The following MAPK8IP1 variants were observed in gnomAD, a reference collection of about 807,000 sequenced individuals.
MAPK8IP1 encodes C-Jun-amino-terminal kinase-interacting protein 1.
In MAPK8IP1, 17 loss-of-function variants were observed where a neutral mutation model predicts 72.6. That is an observed-to-expected ratio of 0.23 (90% CI 0.16 to 0.35). The LOEUF is 0.35. Among genes scored for constraint, MAPK8IP1 ranks in the 10% least tolerant of loss-of-function variants. MAPK8IP1 has a pLI of 1.00. For synonymous variants in MAPK8IP1, 401 were observed against 443.4 expected (o/e 0.90, Z 1.20); for missense variants, 789 against 1,009.7 (o/e 0.78, Z 2.96).
chr11:45,885,975 T>A lies in MAPK8IP1; in HGVS notation c.101+54T>A, dbSNP rs975279662. The A allele has an allele frequency of 2.0e-5, 24 of 1,174,636 alleles. No homozygotes were observed. The East Asian group carries it at 7.7e-4, about 37-fold the overall frequency. The allele number at this position is 1,174,636 out of a possible 1,614,324, so 72.8% of individuals were successfully genotyped here. ...GCCCTTCAGCGGGGACTGATCCGCA[T>A]TGGCTGCCCTGCCCGCCCCCCACCC... On this transcript the variant is annotated intron_variant, in intron 1 of 11. Transcript: ENST00000241014.
chr11:45,902,923 G>C lies in MAPK8IP1; in HGVS notation c.1156G>C (p.Asp386His), dbSNP rs1286060008. 6.2e-7 allele frequency: 1 copy of C among 1,610,802 alleles called. No homozygotes were observed. Among genetic ancestry groups the C allele is most frequent in the Admixed American group, 1.7e-5 (1 of 59,740 alleles). The change falls in exon 5 of 12, where the codon GAT (aspartate) becomes CAT (histidine). Residue 386 changes from aspartate to histidine, a missense_variant. Coordinates refer to ENST00000241014, the MANE Select transcript of MAPK8IP1 (RefSeq NM_005456.4). This position sits in a 1 kb window ranked among gnomAD's most constrained non-coding sequence, Gnocchi z 9.3. ...CTCTGTCAAGTACACGCTGGTGGTAGATGAGCATGCACAGCTGGAGCTGGT... is the reference window on the plus strand; with the variant it reads ...CTCTGTCAAGTACACGCTGGTGGTACATGAGCATGCACAGCTGGAGCTGGT... ...YDSVKYTLVVDEHAQLELVSL... is the reference protein window; with the variant it reads ...YDSVKYTLVVHEHAQLELVSL...
In MAPK8IP1 at chr11:45,904,842, C is replaced by T; in HGVS notation, c.1893+8C>T. The T allele has an allele frequency of 6.2e-7, 1 of 1,613,778 alleles. No individual in the cohort carries two copies. Among genetic ancestry groups the T allele is most frequent in the South Asian group, 1.1e-5 (1 of 91,074 alleles). ...GACTCCCAGGAGGCCAAGGTGACTT[C>T]TTCCAACCCAGCCCCTTCCTTCCAT... On this transcript the variant is annotated splice_region_variant and intron_variant, in intron 9 of 11. Transcript: ENST00000241014. This position sits in a 1 kb window ranked among gnomAD's most constrained non-coding sequence, Gnocchi z 6.4.
rs1254983501 is a variant in MAPK8IP1 at position 45,904,074 on chromosome 11, G to A, written c.1579G>A (p.Glu527Lys). ...VELQAEDYWY[E>K]AYNMRTGARG... ...GCTCCAGGCTGAAGACTACTGGTAC[G>A]AGGCCTACAACATGCGCACTGGTGC... The change falls in exon 7 of 12, where the codon GAG becomes AAG. Residue 527 changes from glutamate (E) to lysine (K), a missense_variant. Glu to Lys is a moderately conservative substitution (Grantham distance 56). Coordinates refer to ENST00000241014, the MANE Select transcript of MAPK8IP1 (RefSeq NM_005456.4). The surrounding 1 kb of genome is among the most constrained non-coding windows in gnomAD (Gnocchi z 6.4). The A allele has an allele frequency of 1.5e-5, 25 of 1,613,902 alleles. No individual in the cohort carries two copies. Among genetic ancestry groups the A allele is most frequent in the Non-Finnish European group, 2.0e-5 (24 of 1,180,022 alleles).
At chr11:45,893,467 G>A (rs1046649924) in intron 1 of MAPK8IP1, among the ~76,000 whole-genome samples, 1 of 152,182 alleles carries the variant, frequency 6.6e-6, no homozygotes, top group Non-Finnish European at 1.5e-5. Flanking sequence ...GAGGGATCAG[G>A]TGAATGCAGG....
rs2086684027 is a variant in MAPK8IP1, at chr11:45,904,238, T to G, written c.1666+77T>G. On this transcript the variant is annotated intron_variant, in intron 7 of 11. Coordinates refer to ENST00000241014, the MANE Select transcript of MAPK8IP1 (RefSeq NM_005456.4). The surrounding 1 kb of genome is among the most constrained non-coding windows in gnomAD (Gnocchi z 6.4). ...AACTTGCTGCTAGGTGAACGTGTAC[T>G]CCAGATCTCAGCCAGCCAGGTGGGG... The G allele has an allele frequency of 1.1e-5, 17 of 1,498,180 alleles. No homozygotes were observed. The South Asian group carries it at 1.9e-4, about 16-fold the overall frequency. 92.8% of individuals were successfully genotyped at this position (1,498,180 alleles called of 1,614,324 possible).
At chr11:45,888,736 A>C (rs1377355134) in intron 1 of MAPK8IP1, among the ~76,000 whole-genome samples, 1 of 151,738 alleles carries the variant, frequency 6.6e-6, no homozygotes, top group Admixed American at 6.6e-5. Flanking sequence ...TCTGTCGCCC[A>C]GGCTGGAGGT....
intron 1 of MAPK8IP1, among the ~76,000 whole-genome samples, chr11:45,895,241 A>C (rs1260491452): frequency 6.6e-6 from 1 of 152,154 alleles, no homozygotes; most frequent in South Asian, 2.1e-4. Flanking sequence ...CAGACAGGCC[A>C]GTGGGGACAT....
chr11:45,903,249 A>C lies in MAPK8IP1; in HGVS notation c.1417+65A>C, dbSNP rs2134677275. On this transcript the variant is annotated intron_variant, in intron 5 of 11. Coordinates refer to ENST00000241014, the MANE Select transcript of MAPK8IP1 (RefSeq NM_005456.4). This position sits in a 1 kb window ranked among gnomAD's most constrained non-coding sequence, Gnocchi z 6.4. ...TAGCGGGGGCAGAGCCAAAATGCGAAGTGTTCTGGGAGGCGACCCCAGGCC... is the reference window on the plus strand; with the variant it reads ...TAGCGGGGGCAGAGCCAAAATGCGACGTGTTCTGGGAGGCGACCCCAGGCC... 1.9e-6 allele frequency: 3 copies of C among 1,585,200 alleles called. No individual in the cohort carries two copies. Among genetic ancestry groups the C allele is most frequent in the Middle Eastern group, 2.2e-4 (1 of 4,454 alleles).
chr11:45,905,272 AC>A (rs749094118), intron 11 of MAPK8IP1, 23 bp downstream of exon 11: 2 of 1,603,134 alleles, frequency 1.2e-6, no homozygotes, highest in South Asian at 2.2e-5. Context: ...CCTGCTGAGC[AC>A]CCAGCCCGAG....
In MAPK8IP1 at chr11:45,889,614, T is replaced by A. The variant is rs974351421; in HGVS notation, c.101+3693T>A. Among the ~76,000 whole-genome samples, 7 of 151,842 alleles carry A rather than the reference T, an allele frequency of 4.6e-5. No homozygotes were observed. The East Asian group carries it at 1.4e-3, about 29-fold the overall frequency. On this transcript the variant is annotated intron_variant, in intron 1 of 11. Coordinates refer to ENST00000241014, the MANE Select transcript of MAPK8IP1 (RefSeq NM_005456.4). ...GGACAAGAAGGGAGCGAGCGGCCTG[T>A]CTGGGGTGTGTAGAAGGGGAATCGT...
rs1298112338 is a variant in MAPK8IP1, at chr11:45,902,259, G to A, written c.605-113G>A. On this transcript the variant is annotated intron_variant, in intron 4 of 11. Transcript: ENST00000241014. This position sits in a 1 kb window ranked among gnomAD's most constrained non-coding sequence, Gnocchi z 9.3. ...TGGCCCCAGAGCCTGCGAAGGGCCT[G>A]TTGCCCAGGGAGGCTTTGTCTTGGT... The A allele has an allele frequency of 9.4e-7, 1 of 1,062,910 alleles. No homozygotes were observed. The highest frequency in any genetic ancestry group is 1.4e-6 in the Non-Finnish European group (1 of 700,580). 65.8% of individuals were successfully genotyped at this position (1,062,910 alleles called of 1,614,324 possible).
At chr11:45,889,988 C>T (rs1405288811) in intron 1 of MAPK8IP1, among the ~76,000 whole-genome samples, 1 of 152,156 alleles carries the variant, frequency 6.6e-6, no homozygotes, top group Admixed American at 6.5e-5. Context: ...ATGGGCTGGT[C>T]GGTGTGATGA....
Position 45,904,404 on chromosome 11 carries a change from C to T in MAPK8IP1, c.1667-51C>T. On this transcript the variant is annotated intron_variant, in intron 7 of 11. Coordinates refer to ENST00000241014, the MANE Select transcript of MAPK8IP1 (RefSeq NM_005456.4). This position sits in a 1 kb window ranked among gnomAD's most constrained non-coding sequence, Gnocchi z 6.4. ...ACCCACCCTCCTTCACTTGGCTGCT[C>T]AGCTCCCTCCTGCTCTTTCTGCCCC... 3 of 1,492,220 alleles carry T rather than the reference C, an allele frequency of 2.0e-6. No homozygotes were observed. The highest frequency in any genetic ancestry group is 2.8e-6 in the Non-Finnish European group (3 of 1,073,240). The allele number at this position is 1,492,220 out of a possible 1,614,324, so 92.4% of individuals were successfully genotyped here. A position where few individuals can be genotyped will look rare whatever the true frequency, so the allele number is the denominator to read the frequency against.
In MAPK8IP1 at chr11:45,903,633, G is replaced by T. The variant is rs901976404; in HGVS notation, c.1493+193G>T. 3.3e-5 allele frequency among the ~76,000 whole-genome samples: 5 copies of T among 152,192 alleles called. No homozygotes were observed. The highest frequency in any genetic ancestry group is 1.3e-4 in the Admixed American group (2 of 15,284). ...GACAAAGAGGATGGCTACAGTGAGG[G>T]ATCCCAGAACTGTGCACCTAGTCTG... On this transcript the variant is annotated intron_variant, in intron 6 of 11. Transcript: ENST00000241014. The surrounding 1 kb of genome is among the most constrained non-coding windows in gnomAD (Gnocchi z 6.4).
intron 3 of MAPK8IP1, among the ~76,000 whole-genome samples, 199 bp from the exon 4 acceptor site, chr11:45,901,781 A>G (rs937530644): frequency 1.3e-5 from 2 of 152,218 alleles, no homozygotes; most frequent in African/African-American, 4.8e-5. Flanking sequence ...AGGGCCATCC[A>G]GAGCCGGCAA....
At position 45,904,172 on chromosome 11, in the gene MAPK8IP1, C is replaced by T. The variant is rs1486586072; in HGVS notation, c.1666+11C>T. The stretch of plus-strand genomic sequence containing the variant: ...CCGAGCACATGGCAGGTAGTGTTCC[C>T]TCCCTGGCCTGTGCCCCCAGCCACC... On this transcript the variant is annotated intron_variant, in intron 7 of 11. Coordinates refer to ENST00000241014, the MANE Select transcript of MAPK8IP1 (RefSeq NM_005456.4). This position sits in a 1 kb window ranked among gnomAD's most constrained non-coding sequence, Gnocchi z 6.4. The T allele has an allele frequency of 2.5e-6, 4 of 1,612,316 alleles. No individual in the cohort carries two copies. Among genetic ancestry groups the T allele is most frequent in the East Asian group, 2.2e-5 (1 of 44,802 alleles).
In MAPK8IP1 at chr11:45,885,775, T is replaced by G. The variant is rs1010146839; in HGVS notation, c.-46T>G. 7.7e-6 allele frequency: 9 copies of G among 1,169,068 alleles called. No homozygotes were observed. The highest frequency in any genetic ancestry group is 4.1e-5 in the Admixed American group (1 of 24,114). The allele number at this position is 1,169,068 out of a possible 1,614,324, so 72.4% of individuals were successfully genotyped here. A position where few individuals can be genotyped will look rare whatever the true frequency, so the allele number is the denominator to read the frequency against. ...CTCCGCCTCCTTCGCAGCCGCCGCC[T>G]CCTCCGCGCCGCGCTCCGCCCGGAT... On this transcript the variant is annotated 5_prime_UTR_variant, in exon 1 of 12. Coordinates refer to ENST00000241014, the MANE Select transcript of MAPK8IP1 (RefSeq NM_005456.4).
intron 1 of MAPK8IP1, among the ~76,000 whole-genome samples, chr11:45,890,737 A>C (rs1430819946): frequency 6.6e-6 from 1 of 152,120 alleles, no homozygotes; most frequent in Non-Finnish European, 1.5e-5. Context: ...GCAGGGTGTG[A>C]AAATCATGTG....
chr11:45,896,789 A>G, intron 1 of MAPK8IP1: 2 of 1,534,510 alleles, frequency 1.3e-6, no homozygotes, highest in East Asian at 4.9e-5. Context: ...AGAGGCCCCC[A>G]GCCCTGCCTT....
Sources: allele counts gnomAD v4.1 joint callset (sites outside exome capture counted in the v4.1 genomes callset), GRCh38; gene constraint gnomAD v4.1.1; non-coding constraint Gnocchi (gnomAD v3.1); transcripts MANE v1.5; gene names NCBI Gene and HGNC (gene_info 2026-07-23, HGNC 2026-07-21).